Variants in COG5 observed in about 807,000 individuals in gnomAD.
COG5 encodes the protein component of oligomeric golgi complex 5, also known as conserved oligomeric Golgi complex subunit 5.
In COG5, 86 loss-of-function variants were observed where a neutral mutation model predicts 110.4. That is an observed-to-expected ratio of 0.78 (90% CI 0.65 to 0.93). COG5 has a LOEUF of 0.93. Ranked by LOEUF, COG5 falls within the 40% of genes least tolerant of loss-of-function variation. The probability of loss-of-function intolerance (pLI) is 0.00; values close to 1 mark genes in which losing one functional copy is unlikely to be tolerated. For missense variants in COG5, 1,077 were observed against 987.0 expected (o/e 1.09, Z -1.22); for synonymous variants, 360 against 334.6 (o/e 1.08, Z -0.83).
intron 7 of COG5, among the ~76,000 whole-genome samples, chr7:107,385,861 T>C (rs1790152526): frequency 6.6e-6 from 1 of 151,526 alleles, no homozygotes; most frequent in African/African-American, 2.4e-5. Flanking sequence ...TATCCCATTG[T>C]GGTTTTAATT....
At chr7:107,415,265 AAG>A (rs1792637674) in intron 6 of COG5, among the ~76,000 whole-genome samples, 1 of 152,184 alleles carries the variant, frequency 6.6e-6, no homozygotes, top group African/African-American at 2.4e-5. Context: ...TGAGGAGTCA[AAG>A]AAGTTAAAAA....
At chr7:107,210,254 G>T in intron 21 of COG5, 1 of 1,315,672 alleles carries the variant, frequency 7.6e-7, no homozygotes, top group Non-Finnish European at 9.7e-7. Flanking sequence ...ATTTTCAAAG[G>T]TACAAATGCA....
chr7:107,324,603 G>T, intron 10 of COG5, 82 bp from the exon 11 acceptor site: 1 of 689,610 alleles, frequency 1.5e-6, no homozygotes, highest in Non-Finnish European at 2.5e-6. Flanking sequence ...ACGTAACCTT[G>T]AAAAGTTATT....
At chr7:107,464,115 C>T (rs1208209828) in intron 6 of COG5, among the ~76,000 whole-genome samples, 3 of 152,076 alleles carry the variant, frequency 2.0e-5, no homozygotes, top group Non-Finnish European at 4.4e-5. Context: ...AAATGGGAGT[C>T]CACAAAGTAA....
chr7:107,297,539 C>T (rs558073541), intron 12 of COG5, among the ~76,000 whole-genome samples: 1 of 147,168 alleles, frequency 6.8e-6, no homozygotes, highest in South Asian at 2.1e-4. Flanking sequence ...GCCTCCGTCT[C>T]CCGGGTTCAA....
At chr7:107,431,223 C>T (rs1794005264) in intron 6 of COG5, among the ~76,000 whole-genome samples, 1 of 152,162 alleles carries the variant, frequency 6.6e-6, no homozygotes, top group Admixed American at 6.5e-5. Context: ...ACACCCAATA[C>T]ATCCTAAGTG....
At chr7:107,379,560 T>C (rs1400546001) in intron 7 of COG5, among the ~76,000 whole-genome samples, 1 of 62,886 alleles carries the variant, frequency 1.6e-5, no homozygotes, top group Non-Finnish European at 3.2e-5. Flanking sequence ...AGGCTCAAAA[T>C]AAAGGGATGC....
At chr7:107,209,178 G>C in intron 21 of COG5, 1 of 985,488 alleles carries the variant, frequency 1.0e-6, no homozygotes, top group Non-Finnish European at 1.2e-6. Flanking sequence ...AGTGGGCCCA[G>C]ACCAACAGAA....
chr7:107,373,653 T>A (rs1814384369), intron 7 of COG5, among the ~76,000 whole-genome samples: 1 of 152,096 alleles, frequency 6.6e-6, no homozygotes, highest in South Asian at 2.1e-4. Flanking sequence ...TGAAATATCA[T>A]CAATGAGTGG....
At position 107,313,491 on chromosome 7, in the gene COG5, T is replaced by G. The variant is rs117548807; in HGVS notation, c.1108+10949A>C. 5.2e-3 allele frequency among the ~76,000 whole-genome samples: 785 copies of G among 152,258 alleles called. 6 individuals carry two copies. The highest frequency in any genetic ancestry group is 7.9e-3 in the Non-Finnish European group (539 of 68,010). Reference sequence around the variant, plus strand: ...TAATAAGCTGAGAAAACAACTAATATGTATTTTCTTATAGTTTTGGAGGTC... The same window carrying G: ...TAATAAGCTGAGAAAACAACTAATAGGTATTTTCTTATAGTTTTGGAGGTC... On this transcript the variant is annotated intron_variant, in intron 11 of 21. Transcript: ENST00000297135.
At chr7:107,546,569 G>A (rs990703013) in intron 5 of COG5, among the ~76,000 whole-genome samples, 2 of 150,540 alleles carry the variant, frequency 1.3e-5, no homozygotes, top group African/African-American at 2.4e-5. Context: ...CCGAGTATCT[G>A]GGACTACAGG....
At chr7:107,208,880 C>CA (rs1798958592) in intron 21 of COG5, 2 of 985,314 alleles carry the variant, frequency 2.0e-6, no homozygotes, top group African/African-American at 1.7e-5. Flanking sequence ...GCTTCCTCAG[C>CA]AGTCTTTCAT....
intron 19 of COG5, among the ~76,000 whole-genome samples, chr7:107,213,371 C>A (rs557667965): frequency 6.6e-6 from 1 of 152,154 alleles, no homozygotes; most frequent in East Asian, 1.9e-4. Flanking sequence ...AGTGGCTCCA[C>A]CTAGTGTCAG....
intron 12 of COG5, among the ~76,000 whole-genome samples, chr7:107,293,250 A>G (rs1022471549): frequency 6.6e-6 from 1 of 152,146 alleles, no homozygotes; most frequent in Non-Finnish European, 1.5e-5. Context: ...ATTGGGCACA[A>G]TATGGGAGCT....
chr7:107,386,484 GA>G (rs1790209989), intron 7 of COG5, among the ~76,000 whole-genome samples: 1 of 152,086 alleles, frequency 6.6e-6, no homozygotes, highest in South Asian at 2.1e-4. Flanking sequence ...ACGGACCGCC[GA>G]AAAGAAGTGA....
chr7:107,394,403 G>A (rs1267522511), intron 7 of COG5, among the ~76,000 whole-genome samples: 1 of 151,734 alleles, frequency 6.6e-6, no homozygotes, highest in Non-Finnish European at 1.5e-5. Flanking sequence ...TAATTATGAT[G>A]TGATTTTTTT....
intron 16 of COG5, among the ~76,000 whole-genome samples, chr7:107,254,496 G>C (rs1448092325): frequency 6.6e-6 from 1 of 152,026 alleles, no homozygotes; most frequent in East Asian, 1.9e-4. Context: ...GTCTCTAACT[G>C]ATGAGGCCAC....
At chr7:107,316,435 A>T (rs996797285) in intron 11 of COG5, among the ~76,000 whole-genome samples, 3 of 152,022 alleles carry the variant, frequency 2.0e-5, no homozygotes, top group Non-Finnish European at 4.4e-5. Flanking sequence ...TACAGGAAAA[A>T]ATTTCTTAAT....
chr7:107,223,694 T>C (rs1800117631), intron 19 of COG5, among the ~76,000 whole-genome samples: 1 of 152,146 alleles, frequency 6.6e-6, no homozygotes, highest in South Asian at 2.1e-4. Context: ...TCCGGGACCA[T>C]TCAGATAGAA....
Sources: allele counts gnomAD v4.1 joint callset (sites outside exome capture counted in the v4.1 genomes callset), GRCh38; gene constraint gnomAD v4.1.1; transcripts MANE v1.5; gene names NCBI Gene and HGNC (gene_info 2026-07-23, HGNC 2026-07-21).